ADCY8: variants seen among roughly 807,000 people sequenced by gnomAD.
ADCY8 encodes adenylate cyclase type 8.
In ADCY8, 51 loss-of-function variants were observed where a neutral mutation model predicts 119.7. The ratio of observed to expected loss-of-function variants is 0.43; its 90% confidence interval spans 0.34 to 0.54. The LOEUF (loss-of-function observed/expected upper bound fraction) is 0.54, where lower values mean the gene tolerates loss of function less well. Among genes scored for constraint, ADCY8 ranks in the 20% least tolerant of loss-of-function variants. The pLI, the probability that ADCY8 is intolerant of heterozygous loss-of-function variation, is 0.03. For synonymous variants in ADCY8, 665 were observed against 651.0 expected (o/e 1.02, Z -0.33); for missense variants, 1,383 against 1,598.8 (o/e 0.87, Z 2.30).
At chr8:130,806,755 C>A (rs1006649270) in intron 14 of ADCY8, among the ~76,000 whole-genome samples, 1 of 152,122 alleles carries the variant, frequency 6.6e-6, no homozygotes, top group Non-Finnish European at 1.5e-5. Flanking sequence ...TACCCAGGGC[C>A]GGCCATTGAT....
intron 7 of ADCY8, among the ~76,000 whole-genome samples, chr8:130,887,913 A>G (rs1216771830): frequency 6.6e-6 from 1 of 152,168 alleles, no homozygotes; most frequent in Non-Finnish European, 1.5e-5. Flanking sequence ...TAGTGGAGAC[A>G]GGTATAACTT....
chr8:130,855,540 C>A (rs896109456), intron 9 of ADCY8, among the ~76,000 whole-genome samples: 7 of 152,028 alleles, frequency 4.6e-5, no homozygotes, highest in Admixed American at 2.0e-4. Context: ...CCCCCTGAAC[C>A]CCAGGAACCA....
chr8:130,997,367 G>A (rs183989611), intron 1 of ADCY8, among the ~76,000 whole-genome samples: 1 of 152,224 alleles, frequency 6.6e-6, no homozygotes, highest in East Asian at 1.9e-4. Flanking sequence ...AAACTCAGTT[G>A]TGGAGATCTA....
intron 1 of ADCY8, among the ~76,000 whole-genome samples, chr8:130,999,524 C>A (rs1372521399): frequency 6.6e-6 from 1 of 152,104 alleles, no homozygotes; most frequent in Non-Finnish European, 1.5e-5. Context: ...AGGGGGATAT[C>A]TCCCTGGGGT....
At chr8:130,793,575 C>T (rs750738749) in intron 15 of ADCY8, among the ~76,000 whole-genome samples, 23 of 152,250 alleles carry the variant, frequency 1.5e-4, no homozygotes, top group East Asian at 5.8e-4. Context: ...ATATCTTGTG[C>T]GCCCAGGGCA....
intron 9 of ADCY8, among the ~76,000 whole-genome samples, chr8:130,866,023 C>G (rs961013467): frequency 6.6e-5 from 10 of 152,242 alleles, no homozygotes; most frequent in Non-Finnish European, 8.8e-5. Flanking sequence ...GTGTGACATG[C>G]CCAGTACTTC....
chr8:130,956,652 G>T (rs546176484), intron 2 of ADCY8, among the ~76,000 whole-genome samples: 1 of 152,164 alleles, frequency 6.6e-6, no homozygotes, highest in Non-Finnish European at 1.5e-5. Context: ...GTATGGTTTG[G>T]CAAATCTCAT....
chr8:130,798,077 T>C (rs1815642618), intron 15 of ADCY8, among the ~76,000 whole-genome samples: 1 of 152,218 alleles, frequency 6.6e-6, no homozygotes, highest in South Asian at 2.1e-4. Context: ...AGGGTTTGTA[T>C]GAGAGATAAA....
chr8:130,913,878 T>C (rs930746517), intron 5 of ADCY8, among the ~76,000 whole-genome samples: 7 of 152,184 alleles, frequency 4.6e-5, no homozygotes, highest in African/African-American at 1.4e-4. Flanking sequence ...TCTCATCTTG[T>C]TCCATCACTG....
chr8:130,842,192 C>T (rs191999904), intron 11 of ADCY8, among the ~76,000 whole-genome samples: 4 of 152,200 alleles, frequency 2.6e-5, no homozygotes, highest in Admixed American at 2.6e-4. Context: ...GCAATATGTT[C>T]CCCCCACCCA....
chr8:130,913,473 C>T (rs945778253), intron 5 of ADCY8, among the ~76,000 whole-genome samples: 9 of 151,982 alleles, frequency 5.9e-5, no homozygotes, highest in Non-Finnish European at 1.0e-4. Flanking sequence ...TACTTTTGAC[C>T]AATGAAATAT....
intron 5 of ADCY8, among the ~76,000 whole-genome samples, chr8:130,927,349 G>A (rs1820502619): frequency 6.6e-6 from 1 of 152,094 alleles, no homozygotes; most frequent in Admixed American, 6.5e-5. Flanking sequence ...GATTAGTGAT[G>A]TTTAACTTTT....
chr8:130,829,203 C>A (rs1374168559), intron 12 of ADCY8, among the ~76,000 whole-genome samples: 1 of 152,176 alleles, frequency 6.6e-6, no homozygotes, highest in East Asian at 1.9e-4. Flanking sequence ...GCAAGCTGAT[C>A]CATCAAGGGC....
chr8:130,947,440 G>A (rs1301479346), intron 3 of ADCY8, among the ~76,000 whole-genome samples: 1 of 152,126 alleles, frequency 6.6e-6, no homozygotes, highest in Non-Finnish European at 1.5e-5. Flanking sequence ...ATAAATGAAG[G>A]GTATATAACC....
At chr8:131,004,877 C>G (rs573167083) in intron 1 of ADCY8, among the ~76,000 whole-genome samples, 9 of 152,146 alleles carry the variant, frequency 5.9e-5, no homozygotes, top group African/African-American at 1.9e-4. Context: ...CTTCTTCCCC[C>G]CTCAACTGGC....
At chr8:130,789,952 C>T (rs1815373318) in intron 15 of ADCY8, among the ~76,000 whole-genome samples, 1 of 152,118 alleles carries the variant, frequency 6.6e-6, no homozygotes, top group Non-Finnish European at 1.5e-5. Context: ...CAGAGAAGCA[C>T]CACTTTAAAG....
At chr8:131,034,247 T>C (rs1473360879) in intron 1 of ADCY8, among the ~76,000 whole-genome samples, 2 of 152,144 alleles carry the variant, frequency 1.3e-5, no homozygotes, top group East Asian at 1.9e-4. Context: ...ACCTTAGACT[T>C]AGACAAAGAA....
chr8:130,966,254 C>T (rs1013458573), intron 2 of ADCY8, among the ~76,000 whole-genome samples: 1 of 152,184 alleles, frequency 6.6e-6, no homozygotes, highest in Non-Finnish European at 1.5e-5. Flanking sequence ...CCTCTGGATC[C>T]TTGCACCTTA....
intron 7 of ADCY8, among the ~76,000 whole-genome samples, chr8:130,896,279 A>G (rs956675069): frequency 2.0e-5 from 3 of 152,110 alleles, no homozygotes; most frequent in Admixed American, 6.6e-5. Flanking sequence ...AGATCCTAGA[A>G]CTTTACTGGC....
Sources: allele counts gnomAD v4.1 joint callset (sites outside exome capture counted in the v4.1 genomes callset), GRCh38; gene constraint gnomAD v4.1.1; transcripts MANE v1.5; gene names NCBI Gene and HGNC (gene_info 2026-07-23, HGNC 2026-07-21).